The following DCHS2 variants were observed in gnomAD, a reference collection of about 807,000 sequenced individuals.
DCHS2 encodes protocadherin-23.
Under a neutral mutation model 182.4 loss-of-function variants are expected in DCHS2, and 142 were observed. That is an observed-to-expected ratio of 0.78 (90% CI 0.68 to 0.89). The LOEUF (loss-of-function observed/expected upper bound fraction) is 0.89. DCHS2 is among the 40% of genes least tolerant of loss of function. The pLI, the probability that DCHS2 is intolerant of heterozygous loss-of-function variation, is 0.00. For synonymous variants in DCHS2, 1,740 were observed against 1,663.3 expected, an observed-to-expected ratio of 1.05 and a Z score of -1.12; for missense variants, 4,319 against 4,198.6, an observed-to-expected ratio of 1.03 and a Z score of -0.79.
chr4:154,316,040 T>A (rs1735844703), intron 9 of DCHS2, 53 bp from the exon 10 acceptor site: 1 of 1,597,594 alleles, frequency 6.3e-7, no homozygotes, highest in Middle Eastern at 1.7e-4. Flanking sequence ...TTTAGAGAAG[T>A]CATGCTTACT....
Position 154,270,023 on chromosome 4 carries a change from T to A in DCHS2, c.6464-10A>T. On this transcript the variant is annotated splice_polypyrimidine_tract_variant and intron_variant, in intron 13 of 19. Coordinates refer to ENST00000357232, the MANE Select transcript of DCHS2 (RefSeq NM_001358235.2). ...GTCACAATAGAAGTACCTGTAAAAA[T>A]TAGGTAAAAAAAGAACTCCATTAGG... 1.3e-6 allele frequency: 2 copies of A among 1,586,550 alleles called. No homozygotes were observed. Among genetic ancestry groups the A allele is most frequent in the Non-Finnish European group, 1.7e-6 (2 of 1,172,274 alleles).
chr4:154,490,113 C>A lies in DCHS2; in HGVS notation c.1243G>T (p.Val415Leu). 6.5e-7 allele frequency: 1 copy of A among 1,548,534 alleles called. No individual in the cohort carries two copies. The highest frequency in any genetic ancestry group is 1.2e-5 in the South Asian group (1 of 83,922). ...ACGCCTCCCTCTGTGAGAAAGAGCA[C>A]GTGAATTGCTGGCCGGTTGTCATTC... ...DVNDNRPAIH[V>L]LFLTEGGVAR... is the part of the protein sequence containing the mutation. Residue 415 changes from valine to leucine, a missense_variant, in exon 1 of 20, where the codon GTG (valine) becomes TTG (leucine). Coordinates refer to ENST00000357232, the MANE Select transcript of DCHS2 (RefSeq NM_001358235.2).
At chr4:154,391,067 A>C (rs1010018010) in intron 1 of DCHS2, 1 of 1,007,278 alleles carries the variant, frequency 9.9e-7, no homozygotes, top group Non-Finnish European at 1.4e-6. Flanking sequence ...CCTGAAGCTC[A>C]GAAGTAAATT....
At chr4:154,340,423 A>C (rs947961073) in intron 3 of DCHS2, among the ~76,000 whole-genome samples, 2 of 152,224 alleles carry the variant, frequency 1.3e-5, no homozygotes, top group African/African-American at 4.8e-5. Flanking sequence ...AAGTCTAATA[A>C]AATTAATATC....
intron 1 of DCHS2, among the ~76,000 whole-genome samples, chr4:154,396,898 C>T (rs1448949008): frequency 6.6e-6 from 1 of 152,162 alleles, no homozygotes; most frequent in African/African-American, 2.4e-5. Flanking sequence ...CTGTATCATT[C>T]TGATAGTGAC....
Position 154,377,349 on chromosome 4 carries a change from C to T in DCHS2, c.2148G>A (p.Arg716=), listed in dbSNP as rs778314497. The change falls in exon 2 of 20, where the codon CGG becomes CGA. Residue 716 remains arginine, a synonymous_variant. Coordinates refer to ENST00000357232, the MANE Select transcript of DCHS2 (RefSeq NM_001358235.2). ...FLSYEAPQAF[R]IDPHDGQICV... ...AGATTTGCCCATCATGAGGGTCGAT[C>T]CGGAATGCCTGAGGTGCTTCATAGC... 1.9e-6 allele frequency: 3 copies of T among 1,613,684 alleles called. No homozygotes were observed. Among genetic ancestry groups the T allele is most frequent in the Non-Finnish European group, 2.5e-6 (3 of 1,179,732 alleles).
intron 7 of DCHS2, among the ~76,000 whole-genome samples, chr4:154,325,316 C>CGTGTGTGTGT (rs75589397): frequency 1.6e-3 from 226 of 142,746 alleles, no homozygotes; most frequent in African/African-American, 5.6e-3. Flanking sequence ...GGATTATAGC[C>CGTGTGTGTGT]GTGTGTGTGT....
At chr4:154,441,869 A>G (rs994570893) in intron 1 of DCHS2, among the ~76,000 whole-genome samples, 1 of 152,154 alleles carries the variant, frequency 6.6e-6, no homozygotes, top group East Asian at 1.9e-4. Context: ...AGGGAAAAAG[A>G]CATAAACCGG....
intron 1 of DCHS2, among the ~76,000 whole-genome samples, chr4:154,431,522 A>G (rs936025741): frequency 3.3e-5 from 5 of 152,118 alleles, no homozygotes; most frequent in Non-Finnish European, 5.9e-5. Flanking sequence ...ATTATTGTAT[A>G]TAGGAATACT....
rs774052998 is a variant in DCHS2 at position 154,333,279 on chromosome 4, G to A, written c.2929C>T (p.Pro977Ser). The part of the protein sequence containing the change: ...ITVMDVNDNH[P>S]AFLRTSDEIR... Reference sequence around the variant, plus strand: ...TCATCCGAGGTCCTGAGGAACGCTGGGTGGTTGTCATTGACATCCATGACT... The same window carrying A: ...TCATCCGAGGTCCTGAGGAACGCTGAGTGGTTGTCATTGACATCCATGACT... Residue 977 changes from proline (P) to serine (S), a missense_variant, in exon 5 of 20, where the codon CCA becomes TCA. Physicochemically the swap from Pro to Ser is moderately conservative, Grantham distance 74. Coordinates refer to ENST00000357232, the MANE Select transcript of DCHS2 (RefSeq NM_001358235.2). The A allele has an allele frequency of 1.2e-6, 2 of 1,614,214 alleles. No homozygotes were observed. Among genetic ancestry groups the A allele is most frequent in the East Asian group, 2.2e-5 (1 of 44,882 alleles).
chr4:154,414,014 G>A (rs752474796), intron 1 of DCHS2, among the ~76,000 whole-genome samples: 1 of 151,580 alleles, frequency 6.6e-6, no homozygotes. Flanking sequence ...TGCTTACTGG[G>A]GTTTATTATC....
Position 154,320,366 on chromosome 4 carries a change from T to C in DCHS2, c.5020+13A>G, listed in dbSNP as rs368690397. On this transcript the variant is annotated intron_variant, in intron 9 of 19. Coordinates refer to ENST00000357232, the MANE Select transcript of DCHS2 (RefSeq NM_001358235.2). ...ATAAAATATTTTTAAAAGTGACATA[T>C]AGGGCACTGTACCTGATGACTCATC... The C allele has an allele frequency of 2.4e-5, 38 of 1,606,060 alleles. No individual in the cohort carries two copies. Among genetic ancestry groups the C allele is most frequent in the Non-Finnish European group, 3.1e-5 (37 of 1,175,876 alleles).
chr4:154,236,516 AT>A lies in DCHS2; in HGVS notation c.8135del (p.His2712LeufsTer4). ...CTCCAGTGTTTTCTTCTAAGTAAAA[AT>A]GTCCCTTCTCATTTCCAGAGATGAT... ...YNIISGNEKG[H>X]FYLEENTGVL... is the part of the protein sequence containing the mutation. On this transcript the variant is annotated frameshift_variant, in exon 20 of 20. Transcript: ENST00000357232. LOFTEE classifies it low-confidence loss of function (END_TRUNC). The A allele has an allele frequency of 1.9e-6, 3 of 1,614,010 alleles. No individual in the cohort carries two copies. The highest frequency in any genetic ancestry group is 1.1e-5 in the South Asian group (1 of 91,084).
intron 3 of DCHS2, among the ~76,000 whole-genome samples, chr4:154,350,544 C>A (rs945871710): frequency 7.9e-5 from 12 of 152,178 alleles, no homozygotes; most frequent in African/African-American, 2.2e-4. Context: ...CCTTGGCTTA[C>A]AGTGACATTG....
Position 154,298,197 on chromosome 4 carries a change from T to C in DCHS2, c.6117A>G (p.Glu2039=). ...AAAGAAACACATCAAAAGGGTTCTG[T>C]TCCAAAACTGGATCATTGTCATTAA... ...TDVNDNDPVL[E]QNPFDVFLSP... The change falls in exon 13 of 20, where the codon GAA becomes GAG. Residue 2039 remains glutamate (E), a synonymous_variant. Coordinates refer to ENST00000357232, the MANE Select transcript of DCHS2 (RefSeq NM_001358235.2). 6.2e-7 allele frequency: 1 copy of C among 1,614,136 alleles called. No homozygotes were observed. Among genetic ancestry groups the C allele is most frequent in the African/African-American group, 1.3e-5 (1 of 75,056 alleles).
rs150414161 is a variant in DCHS2 at position 154,443,636 on chromosome 4, A to C, written c.2052+45668T>G. ...CCACTAGGGCTCTGGGCCCCATCCC[A>C]TCTCACCTACTCCAGGACTCTGCAC... is the stretch of plus-strand genomic sequence containing the variant. On this transcript the variant is annotated intron_variant, in intron 1 of 19. Coordinates refer to ENST00000357232, the MANE Select transcript of DCHS2 (RefSeq NM_001358235.2). Among the ~76,000 whole-genome samples the C allele has an allele frequency of 8.5e-5, 13 of 152,230 alleles. No individual in the cohort carries two copies. The East Asian group carries it at 2.5e-3, about 29-fold the overall frequency.
intron 1 of DCHS2, among the ~76,000 whole-genome samples, chr4:154,400,259 C>A (rs933769599): frequency 7.3e-6 from 1 of 137,036 alleles, no homozygotes; most frequent in Admixed American, 8.7e-5. Flanking sequence ...GCCGAGATTG[C>A]GCCACTGCAC....
intron 1 of DCHS2, among the ~76,000 whole-genome samples, chr4:154,413,993 A>T (rs1467132576): frequency 6.6e-6 from 1 of 152,144 alleles, no homozygotes; most frequent in African/African-American, 2.4e-5. Context: ...AAATAATCTT[A>T]TTCATTTATT....
chr4:154,421,347 CTCTT>C (rs1308627169), intron 1 of DCHS2, among the ~76,000 whole-genome samples: 2 of 151,612 alleles, frequency 1.3e-5, no homozygotes, highest in African/African-American at 4.8e-5. Flanking sequence ...AAAGTTTCCT[CTCTT>C]TATTAGACCC....
Sources: allele counts gnomAD v4.1 joint callset (sites outside exome capture counted in the v4.1 genomes callset), GRCh38; gene constraint gnomAD v4.1.1; transcripts MANE v1.5; gene names NCBI Gene and HGNC (gene_info 2026-07-23, HGNC 2026-07-21).